The following C12orf42 variants were observed in gnomAD, a reference collection of about 807,000 sequenced individuals.
The protein encoded by C12orf42 is chromosome 12 open reading frame 42.
A neutral mutation model predicts 21.6 loss-of-function variants in C12orf42; 25 were observed. The ratio of observed to expected loss-of-function variants is 1.16; its 90% CI spans 0.84 to 1.62. The LOEUF (loss-of-function observed/expected upper bound fraction) is 1.62, where lower values mean the gene tolerates loss of function less well. C12orf42 is among the 40% of genes most tolerant of loss of function. C12orf42 has a pLI of 0.00. For synonymous variants in C12orf42, 174 were observed against 175.0 expected, an observed-to-expected ratio of 0.99 and a Z score of 0.05; for missense variants, 483 against 459.3, an observed-to-expected ratio of 1.05 and a Z score of -0.47.
At chr12:103,318,814 C>G (rs193008670) in intron 4 of C12orf42, among the ~76,000 whole-genome samples, 12 of 149,634 alleles carry the variant, frequency 8.0e-5, no homozygotes, top group African/African-American at 2.8e-4. Context: ...CAGGATTTGA[C>G]CTTCAGGAAT....
intron 4 of C12orf42, among the ~76,000 whole-genome samples, chr12:103,316,596 T>C (rs1187934750): frequency 6.6e-6 from 1 of 152,200 alleles, no homozygotes; most frequent in African/African-American, 2.4e-5. Flanking sequence ...TAAAAGAGCT[T>C]ACTGCCTGTT....
At chr12:103,157,838 A>G in the C12orf42 span, among the ~76,000 whole-genome samples, 1 of 152,154 alleles carries the variant, frequency 6.6e-6, no homozygotes, top group Admixed American at 6.5e-5. Flanking sequence ...AAAAAGTGAA[A>G]AATTTAGAAG....
intron 4 of C12orf42, among the ~76,000 whole-genome samples, chr12:103,323,594 C>A (rs1306646854): frequency 6.6e-6 from 1 of 152,176 alleles, no homozygotes; most frequent in Non-Finnish European, 1.5e-5. Flanking sequence ...ATAGTCCTGG[C>A]AGAGTTTACA....
chr12:103,227,459 A>T, the C12orf42 span, among the ~76,000 whole-genome samples: 1 of 151,612 alleles, frequency 6.6e-6, no homozygotes, highest in African/African-American at 2.4e-5. Context: ...GAAATAAGGG[A>T]TTGGGGTACA....
chr12:103,500,389 A>T (rs991332355), upstream of C12orf42, among the ~76,000 whole-genome samples: 1 of 152,244 alleles, frequency 6.6e-6, no homozygotes, highest in East Asian at 1.9e-4. Flanking sequence ...GAAAAGTTAC[A>T]TAAAATTATT....
chr12:103,249,901 G>T (rs1187317980), intron 10 of C12orf42, among the ~76,000 whole-genome samples: 3 of 152,056 alleles, frequency 2.0e-5, no homozygotes, highest in Non-Finnish European at 4.4e-5. Flanking sequence ...TGACTCACCA[G>T]GGCTAGTTGC....
intron 2 of C12orf42, among the ~76,000 whole-genome samples, chr12:103,462,459 G>T (rs1302899869): frequency 6.6e-6 from 1 of 151,926 alleles, no homozygotes; most frequent in South Asian, 2.1e-4. Context: ...TCCAGACAAA[G>T]AAATTATTTA....
At chr12:103,410,484 G>A (rs2048752774) in intron 2 of C12orf42, among the ~76,000 whole-genome samples, 1 of 152,168 alleles carries the variant, frequency 6.6e-6, no homozygotes, top group Non-Finnish European at 1.5e-5. Flanking sequence ...GGCCAAGTGG[G>A]GAGTGGCTCC....
At chr12:103,096,493 A>C in the C12orf42 span, among the ~76,000 whole-genome samples, 1 of 152,298 alleles carries the variant, frequency 6.6e-6, no homozygotes, top group South Asian at 2.1e-4. Context: ...GAAAGGAAAA[A>C]ATTTGAGCAC....
chr12:103,313,488 T>C (rs1188072414), intron 4 of C12orf42, among the ~76,000 whole-genome samples: 1 of 152,200 alleles, frequency 6.6e-6, no homozygotes, highest in East Asian at 1.9e-4. Flanking sequence ...AAGTCAAATC[T>C]ATGCTTTTCC....
chr12:103,460,341 G>A (rs1238679990), intron 2 of C12orf42, among the ~76,000 whole-genome samples: 1 of 151,972 alleles, frequency 6.6e-6, no homozygotes, highest in Admixed American at 6.6e-5. Flanking sequence ...CTATGGGCCA[G>A]GTCGGCACAT....
At chr12:103,505,474 G>C in the C12orf42 span, 1 of 382,930 alleles carries the variant, frequency 2.6e-6, no homozygotes, top group African/African-American at 2.3e-5. Flanking sequence ...TGGGTGCTCT[G>C]AGTCATGGGA....
intron 2 of C12orf42, among the ~76,000 whole-genome samples, chr12:103,472,911 C>T (rs1177238315): frequency 1.3e-5 from 2 of 152,158 alleles, no homozygotes; most frequent in Non-Finnish European, 2.9e-5. Flanking sequence ...GTTCCAATTC[C>T]AGGGCACACA....
At chr12:103,176,250 A>G in the C12orf42 span, among the ~76,000 whole-genome samples, 3 of 152,312 alleles carry the variant, frequency 2.0e-5, no homozygotes, top group East Asian at 1.9e-4. Flanking sequence ...TCTCAAACAT[A>G]CATCGTATAA....
At chr12:103,111,985 G>T in the C12orf42 span, among the ~76,000 whole-genome samples, 9 of 152,320 alleles carry the variant, frequency 5.9e-5, no homozygotes, top group African/African-American at 1.2e-4. Context: ...GGCAATTCCA[G>T]AATTGCTCCA....
chr12:103,323,194 C>G (rs577296744), intron 4 of C12orf42, among the ~76,000 whole-genome samples: 1 of 152,238 alleles, frequency 6.6e-6, no homozygotes, highest in Non-Finnish European at 1.5e-5. Context: ...TGGCCTTTTC[C>G]TGCTGTATGA....
At chr12:103,090,867 A>G in the C12orf42 span, among the ~76,000 whole-genome samples, 1 of 152,192 alleles carries the variant, frequency 6.6e-6, no homozygotes, top group Admixed American at 6.5e-5. Flanking sequence ...GAACCAATGG[A>G]TAACTTTTTG....
the C12orf42 span, among the ~76,000 whole-genome samples, chr12:103,231,185 G>A: frequency 3.9e-5 from 6 of 152,166 alleles, no homozygotes; most frequent in Non-Finnish European, 7.4e-5. Flanking sequence ...TAGCAAAATT[G>A]AGCAGAAAGT....
chr12:103,139,486 G>A, the C12orf42 span, among the ~76,000 whole-genome samples: 2 of 152,132 alleles, frequency 1.3e-5, no homozygotes, highest in East Asian at 1.9e-4. Flanking sequence ...ATTAAAGACA[G>A]TATTTCAAGA....
Sources: allele counts gnomAD v4.1 joint callset (sites outside exome capture counted in the v4.1 genomes callset), GRCh38; gene constraint gnomAD v4.1.1; transcripts MANE v1.5; gene names NCBI Gene and HGNC (gene_info 2026-07-23, HGNC 2026-07-21).